Variants in EFR3B observed in about 807,000 individuals in gnomAD.
EFR3B encodes protein EFR3 homolog B.
EFR3B carries 64 observed loss-of-function variants against 104.7 expected under a neutral mutation model. That is an observed-to-expected ratio of 0.61 (90% CI 0.50 to 0.75). The LOEUF is 0.75. Among genes scored for constraint, EFR3B ranks in the 30% least tolerant of loss-of-function variants. EFR3B has a pLI of 0.00. For missense variants in EFR3B, 750 were observed against 1,078.5 expected (o/e 0.70, Z 4.27); for synonymous variants, 385 against 417.9 (o/e 0.92, Z 0.96).
chr2:25,044,423 A>G (rs1314790775), intron 1 of EFR3B, among the ~76,000 whole-genome samples: 1 of 152,262 alleles, frequency 6.6e-6, no homozygotes, highest in Non-Finnish European at 1.5e-5. Context: ...AGAGTGATGA[A>G]AAAAAGTGAG....
At position 25,121,684 on chromosome 2, in the gene EFR3B, T is replaced by C. The variant is rs1373334181; in HGVS notation, c.375T>C (p.Phe125=). The part of the protein sequence containing the change: ...QILGTNSFVK[F]ANIEEDTPSY... Reference sequence around the variant, plus strand: ...TTCCTCCCTGATAGTTTGTGAAGTTTGCCAACATCGAGGAGGACACCCCGT... The same window carrying C: ...TTCCTCCCTGATAGTTTGTGAAGTTCGCCAACATCGAGGAGGACACCCCGT... Residue 125 remains phenylalanine, a synonymous_variant, in exon 5 of 23, where the codon TTT becomes TTC. Coordinates refer to ENST00000403714, the MANE Select transcript of EFR3B (RefSeq NM_014971.2). 1.3e-6 allele frequency: 2 copies of C among 1,551,728 alleles called. No homozygotes were observed. The highest frequency in any genetic ancestry group is 2.4e-5 in the East Asian group (1 of 40,918).
intron 4 of EFR3B, 105 bp downstream of exon 4, chr2:25,103,892 G>A: frequency 2.1e-6 from 3 of 1,398,626 alleles, no homozygotes; most frequent in Non-Finnish European, 2.9e-6. Flanking sequence ...GTTCCTTCTT[G>A]GTTCCCAACC....
intron 16 of EFR3B, among the ~76,000 whole-genome samples, chr2:25,140,597 G>T (rs10192245): frequency 0.89 from 134,682 of 152,168 alleles, 59,696 homozygotes; most frequent in East Asian, 1. Flanking sequence ...TTAGTAACTT[G>T]CACTTTTCTT....
chr2:25,088,201 G>A (rs1669013842), intron 1 of EFR3B, among the ~76,000 whole-genome samples: 2 of 152,110 alleles, frequency 1.3e-5, no homozygotes, highest in South Asian at 2.1e-4. Flanking sequence ...CCTCTTGTTT[G>A]TAGCTCCATT....
chr2:25,132,173 G>T (rs981308063), intron 10 of EFR3B, among the ~76,000 whole-genome samples: 1 of 152,222 alleles, frequency 6.6e-6, no homozygotes, highest in Non-Finnish European at 1.5e-5. Context: ...TGCTATTCAC[G>T]GACCTCGGAG....
At chr2:25,128,462 C>A in intron 6 of EFR3B, 130 bp downstream of exon 6, 1 of 1,224,592 alleles carries the variant, frequency 8.2e-7, no homozygotes, top group Non-Finnish European at 1.1e-6. Context: ...GTGGCTTGTT[C>A]TGCAGTGAGT....
At chr2:25,143,937 A>G (rs745612416) in intron 18 of EFR3B, 75 bp downstream of exon 18, 2 of 1,481,968 alleles carry the variant, frequency 1.3e-6, no homozygotes, top group Non-Finnish European at 1.8e-6. Context: ...AGCATAAGGG[A>G]CTTATAGCCC....
chr2:25,105,291 T>C (rs918175630), intron 4 of EFR3B, among the ~76,000 whole-genome samples: 3 of 152,148 alleles, frequency 2.0e-5, no homozygotes, highest in African/African-American at 7.2e-5. Context: ...TAGCTGGGAT[T>C]ATAGGCATAC....
intron 4 of EFR3B, among the ~76,000 whole-genome samples, chr2:25,113,541 G>A (rs1013079015): frequency 1.3e-5 from 2 of 151,960 alleles, no homozygotes; most frequent in South Asian, 2.1e-4. Flanking sequence ...GGTGGCGGGC[G>A]CCTGTAGTGC....
chr2:25,153,668 G>A (rs1194732440), intron 21 of EFR3B, 44 bp from the exon 22 acceptor site: 10 of 1,550,198 alleles, frequency 6.5e-6, no homozygotes, highest in Non-Finnish European at 8.7e-6. Context: ...AGAGGTTCTG[G>A]ACCCCCCACC....
Position 25,132,917 on chromosome 2 carries a change from A to C in EFR3B, c.1162A>C (p.Thr388Pro). The change falls in exon 11 of 23, where the codon ACG (threonine) becomes CCG (proline). Residue 388 changes from threonine (T) to proline (P), a missense_variant. Thr to Pro is a conservative substitution (Grantham distance 38). Transcript: ENST00000403714. ...ACCTCCTGCAGGCTCCTTTGCCAGC[A>C]CGCTGCCCACCTACCAGCGCTCCGA... ...VIKTVGSFAS[T>P]LPTYQRSEVI... The C allele has an allele frequency of 6.4e-7, 1 of 1,550,966 alleles. No homozygotes were observed.
chr2:25,141,525 AG>A, intron 17 of EFR3B, 92 bp downstream of exon 17: 2 of 1,363,978 alleles, frequency 1.5e-6, no homozygotes, highest in Non-Finnish European at 2.0e-6. Context: ...CAATGCCAGG[AG>A]GCTCAGACTT....
rs1668753269 is a variant in EFR3B, at chr2:25,080,195, A to G, written c.8-11130A>G. On this transcript the variant is annotated intron_variant, in intron 1 of 22. Coordinates refer to ENST00000403714, the MANE Select transcript of EFR3B (RefSeq NM_014971.2). ...AGAATAGCCAGTACCTTTTTATCTG[A>G]AGTGATAAGCTTAAATGCTTCTGTT... 2.5e-6 allele frequency: 4 copies of G among 1,577,260 alleles called. No homozygotes were observed. In the South Asian group the frequency reaches 4.5e-5, roughly 18 times the overall value.
At chr2:25,097,893 C>T (rs1274432971) in intron 3 of EFR3B, among the ~76,000 whole-genome samples, 5 of 152,074 alleles carry the variant, frequency 3.3e-5, no homozygotes, top group East Asian at 1.9e-4. Flanking sequence ...TATAAGACGC[C>T]GTCAGGATCC....
At chr2:25,068,660 C>T (rs188887963) in intron 1 of EFR3B, among the ~76,000 whole-genome samples, 4 of 148,470 alleles carry the variant, frequency 2.7e-5, no homozygotes, top group Middle Eastern at 3.5e-3. Context: ...GACAGATTCT[C>T]GCTCTGTCCC....
intron 4 of EFR3B, 36 bp downstream of exon 4, chr2:25,103,823 C>T (rs1669488428): frequency 6.5e-7 from 1 of 1,548,586 alleles, no homozygotes; most frequent in Non-Finnish European, 8.7e-7. Flanking sequence ...GGTCTCCCAG[C>T]CGCATCCTGG....
intron 2 of EFR3B, 37 bp downstream of exon 2, chr2:25,091,438 G>T: frequency 1.3e-6 from 2 of 1,527,330 alleles, no homozygotes; most frequent in Non-Finnish European, 1.8e-6. Context: ...TGGCTCTCAT[G>T]GTCCAGGCAG....
At chr2:25,128,377 T>C (rs1670224350) in intron 6 of EFR3B, 45 bp downstream of exon 6, 1 of 1,546,850 alleles carries the variant, frequency 6.5e-7, no homozygotes, top group Non-Finnish European at 8.7e-7. Flanking sequence ...TAATCAACCC[T>C]CCAAGGGCTG....
chr2:25,101,738 A>C (rs1669437079), intron 3 of EFR3B, among the ~76,000 whole-genome samples: 1 of 152,216 alleles, frequency 6.6e-6, no homozygotes. Flanking sequence ...ATGAGCAGCC[A>C]CATGCACAGC....
Sources: allele counts gnomAD v4.1 joint callset (sites outside exome capture counted in the v4.1 genomes callset), GRCh38; gene constraint gnomAD v4.1.1; transcripts MANE v1.5; gene names NCBI Gene and HGNC (gene_info 2026-07-23, HGNC 2026-07-21).